The following RASGEF1C variants were observed in gnomAD, a reference collection of about 807,000 sequenced individuals.
The protein encoded by RASGEF1C is RasGEF domain family member 1C.
RASGEF1C carries 27 observed loss-of-function variants against 58.1 expected under a neutral mutation model. The observed-to-expected ratio is 0.46, with a 90% confidence interval of 0.34 to 0.64. The LOEUF is 0.64. RASGEF1C is among the 30% of genes least tolerant of loss of function. The pLI is 0.01. For synonymous variants in RASGEF1C, 243 were observed against 246.3 expected, an observed-to-expected ratio of 0.99 and a Z score of 0.13; for missense variants, 502 against 605.1, an observed-to-expected ratio of 0.83 and a Z score of 1.79.
At chr5:180,189,923 CAAAAAA>C (rs71001085) in intron 1 of RASGEF1C, among the ~76,000 whole-genome samples, 2,368 of 37,174 alleles carry the variant, frequency 0.064, 70 homozygotes, top group African/African-American at 0.23. Context: ...AACTCCATCT[CAAAAAA>C]AAAAAAAAAA....
intron 1 of RASGEF1C, among the ~76,000 whole-genome samples, chr5:180,192,084 C>T (rs185541148): frequency 6.6e-5 from 10 of 152,194 alleles, no homozygotes; most frequent in Non-Finnish European, 1.3e-4. Flanking sequence ...TTGGGAAGGA[C>T]CCTGTGCTTT....
chr5:180,101,960 G>A (rs796718802), intron 13 of RASGEF1C, 111 bp downstream of exon 13: 26 of 775,526 alleles, frequency 3.4e-5, no homozygotes, highest in East Asian at 1.7e-4. Context: ...GAAGCCCCTC[G>A]GCCCTGTCCT....
chr5:180,127,811 A>G (rs1766289522), intron 5 of RASGEF1C, 128 bp from the exon 6 acceptor site: 2 of 820,300 alleles, frequency 2.4e-6, no homozygotes, highest in Admixed American at 6.3e-5. Context: ...TGCCCTCCCC[A>G]CTGGGGCTTG....
chr5:180,182,136 T>A (rs6601091), intron 1 of RASGEF1C, among the ~76,000 whole-genome samples: 1 of 146,108 alleles, frequency 6.8e-6, no homozygotes, highest in Non-Finnish European at 1.5e-5. Context: ...ACCCGGGAGG[T>A]GGAGCTTGCA....
Position 180,131,660 on chromosome 5 carries a change from C to T in RASGEF1C, c.439-3050G>A, listed in dbSNP as rs547881216. On this transcript the variant is annotated intron_variant, in intron 4 of 13. Coordinates refer to ENST00000361132, the MANE Select transcript of RASGEF1C (RefSeq NM_175062.4). Reference sequence around the variant, plus strand: ...GGTGTCCACCAGCGTCTGCTGAATGCGTGGATAAACACCGCCTTCACCTGC... The same window carrying T: ...GGTGTCCACCAGCGTCTGCTGAATGTGTGGATAAACACCGCCTTCACCTGC... Among the ~76,000 whole-genome samples, 7 of 152,324 alleles carry T rather than the reference C, an allele frequency of 4.6e-5. No individual in the cohort carries two copies. The East Asian group carries it at 1.4e-3, about 29-fold the overall frequency.
rs1187829324 is a variant in RASGEF1C, at chr5:180,163,254, C to CTTTTTTTTTTTTTTT, written c.-6-25197_-6-25196insAAAAAAAAAAAAAAA. On this transcript the variant is annotated intron_variant, in intron 1 of 13. Transcript: ENST00000361132. ...CACTTTTTTTTTTTTTTTTTTTTTC[C>CTTTTTTTTTTTTTTT]AGCCTATTGCACTGGCTAGGACTTC... Among the ~76,000 whole-genome samples the CTTTTTTTTTTTTTTT allele has an allele frequency of 5.9e-3, 420 of 71,008 alleles. 96 individuals are homozygous for CTTTTTTTTTTTTTTT. Among genetic ancestry groups the CTTTTTTTTTTTTTTT allele is most frequent in the African/African-American group, 0.011 (172 of 15,952 alleles). 46.6% of individuals were successfully genotyped at this position (71,008 alleles called of 152,430 possible).
At chr5:180,165,750 CTTTTTT>C (rs372734323) in intron 1 of RASGEF1C, among the ~76,000 whole-genome samples, 1 of 107,370 alleles carries the variant, frequency 9.3e-6, no homozygotes, top group Non-Finnish European at 1.8e-5. Flanking sequence ...TTAATTTTTC[CTTTTTT>C]TTTTTTTTTT....
chr5:180,131,389 C>T (rs929130326), intron 4 of RASGEF1C, among the ~76,000 whole-genome samples: 2 of 152,126 alleles, frequency 1.3e-5, no homozygotes, highest in Middle Eastern at 3.2e-3. Context: ...CCCATGTCCC[C>T]GGCAGGATCT....
intron 1 of RASGEF1C, among the ~76,000 whole-genome samples, chr5:180,186,843 G>A (rs1231793353): frequency 6.6e-6 from 1 of 152,198 alleles, no homozygotes; most frequent in Non-Finnish European, 1.5e-5. Flanking sequence ...GCACATGCCT[G>A]TAATGCCAGC....
At chr5:180,119,280 T>C in intron 8 of RASGEF1C, 66 bp downstream of exon 8, 1 of 1,342,670 alleles carries the variant, frequency 7.4e-7, no homozygotes, top group Non-Finnish European at 1.1e-6. Flanking sequence ...CCTGCCTGGC[T>C]GCACCCACTC....
chr5:180,102,162 G>C lies in RASGEF1C; in HGVS notation c.1304-19C>G. 1 of 1,430,614 alleles carries C rather than the reference G, an allele frequency of 7.0e-7. No individual in the cohort carries two copies. The highest frequency in any genetic ancestry group is 9.9e-7 in the Non-Finnish European group (1 of 1,013,914). The allele number at this position is 1,430,614 out of a possible 1,614,324, so 88.6% of individuals were successfully genotyped here. On this transcript the variant is annotated intron_variant, in intron 12 of 13. Coordinates refer to ENST00000361132, the MANE Select transcript of RASGEF1C (RefSeq NM_175062.4). ...TAAAGACCTAGACAGAAAATGAAGT[G>C]AAATTTCACAATTATGGTTGATGAT... is the stretch of plus-strand genomic sequence containing the variant.
chr5:180,179,419 T>A (rs892725647), intron 1 of RASGEF1C, among the ~76,000 whole-genome samples: 12 of 151,918 alleles, frequency 7.9e-5, no homozygotes, highest in African/African-American at 2.9e-4. Flanking sequence ...GGGCCAGTGG[T>A]GCACAGGGAG....
chr5:180,204,008 A>AAACAACAACAACAAC (rs57771575), intron 1 of RASGEF1C, among the ~76,000 whole-genome samples: 4 of 140,842 alleles, frequency 2.8e-5, no homozygotes, highest in Non-Finnish European at 6.4e-5. Flanking sequence ...ACAAACAAAC[A>AAACAACAACAACAAC]AACAACAACA....
intron 1 of RASGEF1C, among the ~76,000 whole-genome samples, chr5:180,194,002 G>GTGTTTGT (rs1756217026): frequency 6.7e-6 from 1 of 148,746 alleles, no homozygotes; most frequent in Non-Finnish European, 1.5e-5. Context: ...ATTCTGTATG[G>GTGTTTGT]TGTTTGTTTG....
chr5:180,105,728 C>T (rs1480737735), intron 12 of RASGEF1C, among the ~76,000 whole-genome samples: 14 of 151,666 alleles, frequency 9.2e-5, no homozygotes, highest in East Asian at 7.8e-4. Context: ...ATTAGCTGGG[C>T]GTGGTGGCTC....
At chr5:180,131,322 A>G (rs1766365074) in intron 4 of RASGEF1C, among the ~76,000 whole-genome samples, 1 of 151,924 alleles carries the variant, frequency 6.6e-6, no homozygotes. Flanking sequence ...TGTGCTCTGG[A>G]CACAGGTCAC....
At chr5:180,109,279 A>C (rs558382946) in intron 12 of RASGEF1C, among the ~76,000 whole-genome samples, 2 of 151,712 alleles carry the variant, frequency 1.3e-5, no homozygotes, top group South Asian at 2.1e-4. Flanking sequence ...ACATGGTGAA[A>C]CCCCGTCTCT....
intron 12 of RASGEF1C, among the ~76,000 whole-genome samples, chr5:180,105,693 C>T (rs1421805734): frequency 6.6e-6 from 1 of 151,742 alleles, no homozygotes; most frequent in Non-Finnish European, 1.5e-5. Flanking sequence ...CATGGTGAAA[C>T]CCCGTCTCTA....
chr5:180,137,715 G>A lies in RASGEF1C; in HGVS notation c.178-3C>T. 6.2e-7 allele frequency: 1 copy of A among 1,612,994 alleles called. No homozygotes were observed. The highest frequency in any genetic ancestry group is 1.7e-4 in the Middle Eastern group (1 of 6,058). On this transcript the variant is annotated splice_region_variant and splice_polypyrimidine_tract_variant and intron_variant, in intron 2 of 13. Coordinates refer to ENST00000361132, the MANE Select transcript of RASGEF1C (RefSeq NM_175062.4). The surrounding 1 kb of genome is among the most constrained non-coding windows in gnomAD (Gnocchi z 4.1). ...AGGAAGGTGAAGATGTAGGCTTTCTGGGGGACACACGAGAAAGAGGGCACA... is the reference window on the plus strand; with the variant it reads ...AGGAAGGTGAAGATGTAGGCTTTCTAGGGGACACACGAGAAAGAGGGCACA...
Sources: allele counts gnomAD v4.1 joint callset (sites outside exome capture counted in the v4.1 genomes callset), GRCh38; gene constraint gnomAD v4.1.1; non-coding constraint Gnocchi (gnomAD v3.1); transcripts MANE v1.5; gene names NCBI Gene and HGNC (gene_info 2026-07-23, HGNC 2026-07-21).